The following CRPPA variants were observed in gnomAD, a reference collection of about 807,000 sequenced individuals.
The protein encoded by CRPPA is D-ribitol-5-phosphate cytidylyltransferase.
A neutral mutation model predicts 52.0 loss-of-function variants in CRPPA; 43 were observed. That is an observed-to-expected ratio of 0.83 (90% CI 0.65 to 1.07). CRPPA has a LOEUF of 1.07. Among genes scored for constraint, CRPPA ranks in the 50% least tolerant of loss-of-function variants. The pLI is 0.00. For missense variants in CRPPA, 629 were observed against 551.7 expected (o/e 1.14, Z -1.40); for synonymous variants, 250 against 203.5 (o/e 1.23, Z -1.94).
At chr7:16,256,246 CA>C (rs1469023377) in intron 8 of CRPPA, among the ~76,000 whole-genome samples, 8 of 152,128 alleles carry the variant, frequency 5.3e-5, no homozygotes, top group Non-Finnish European at 1.2e-4. Flanking sequence ...CATCTCACAC[CA>C]GTTAGAATGG....
rs1008045925 is a variant in CRPPA at position 16,089,564 on chromosome 7, T to C, written c.*2131A>G. 13 of 240,128 alleles carry C rather than the reference T, an allele frequency of 5.4e-5. No homozygotes were observed. Among genetic ancestry groups the C allele is most frequent in the South Asian group, 1.3e-4 (3 of 22,694 alleles). 14.9% of individuals were successfully genotyped at this position (240,128 alleles called of 1,614,324 possible). ...ATATATGTATATACATGTAAGTATA[T>C]ACATATATATGGGTATACATGCATG... On this transcript the variant is annotated 3_prime_UTR_variant, in exon 10 of 10. Coordinates refer to ENST00000407010, the MANE Select transcript of CRPPA (RefSeq NM_001101426.4).
intron 9 of CRPPA, among the ~76,000 whole-genome samples, chr7:16,152,004 C>T (rs1339384782): frequency 1.3e-5 from 2 of 151,916 alleles, no homozygotes; most frequent in Admixed American, 6.6e-5. Context: ...ATTCTTCAAA[C>T]ATTTGAGATT....
At chr7:16,104,953 T>C (rs1340445142) in intron 9 of CRPPA, among the ~76,000 whole-genome samples, 1 of 151,656 alleles carries the variant, frequency 6.6e-6, no homozygotes, top group Non-Finnish European at 1.5e-5. Context: ...GTACAACTTA[T>C]TTTATCATCA....
At chr7:16,300,711 C>T (rs1474707464) in intron 5 of CRPPA, among the ~76,000 whole-genome samples, 1 of 152,116 alleles carries the variant, frequency 6.6e-6, no homozygotes, top group Non-Finnish European at 1.5e-5. Flanking sequence ...ATTTTCCAGA[C>T]TAAAATGCCA....
At chr7:16,331,523 C>T (rs1233780821) in intron 3 of CRPPA, among the ~76,000 whole-genome samples, 1 of 152,088 alleles carries the variant, frequency 6.6e-6, no homozygotes, top group Non-Finnish European at 1.5e-5. Context: ...AAGATAAGAA[C>T]CACACAGCAA....
intron 8 of CRPPA, among the ~76,000 whole-genome samples, chr7:16,223,329 C>G (rs1782570106): frequency 6.6e-6 from 1 of 152,150 alleles, no homozygotes; most frequent in Non-Finnish European, 1.5e-5. Flanking sequence ...TCCCATCAAA[C>G]CAACTACTTA....
intron 9 of CRPPA, among the ~76,000 whole-genome samples, chr7:16,212,978 C>T (rs756484859): frequency 6.6e-6 from 1 of 152,186 alleles, no homozygotes; most frequent in Non-Finnish European, 1.5e-5. Flanking sequence ...CTGCTTACAG[C>T]ACTTTAGATA....
At chr7:16,400,103 AGT>A (rs1787766563) in intron 2 of CRPPA, among the ~76,000 whole-genome samples, 1 of 151,758 alleles carries the variant, frequency 6.6e-6, no homozygotes, top group African/African-American at 2.4e-5. Flanking sequence ...ACGTGACTGG[AGT>A]GTGATACATG....
intron 2 of CRPPA, among the ~76,000 whole-genome samples, chr7:16,397,826 A>C (rs1787649770): frequency 6.6e-6 from 1 of 152,162 alleles, no homozygotes; most frequent in Non-Finnish European, 1.5e-5. Flanking sequence ...GACTGACGTG[A>C]TCCACAAAGG....
chr7:16,182,623 T>C (rs1283689244), intron 9 of CRPPA, among the ~76,000 whole-genome samples: 1 of 152,196 alleles, frequency 6.6e-6, no homozygotes, highest in African/African-American at 2.4e-5. Flanking sequence ...AATCCTCTTA[T>C]TATAATAAGA....
At chr7:16,404,607 G>C (rs930845983) in intron 2 of CRPPA, among the ~76,000 whole-genome samples, 1 of 150,178 alleles carries the variant, frequency 6.7e-6, no homozygotes, top group Non-Finnish European at 1.5e-5. Flanking sequence ...TTTTCCAAAA[G>C]GTAACACAGG....
chr7:16,290,727 G>T (rs1784546647), intron 5 of CRPPA, among the ~76,000 whole-genome samples: 1 of 152,008 alleles, frequency 6.6e-6, no homozygotes, highest in Non-Finnish European at 1.5e-5. Flanking sequence ...CAGGACATTG[G>T]TGTCAAAAAG....
chr7:16,208,929 T>C (rs550780137), intron 9 of CRPPA: 7 of 344,914 alleles, frequency 2.0e-5, no homozygotes, highest in African/African-American at 6.4e-5. Flanking sequence ...TCCATGCCAA[T>C]AGCATTCCCA....
rs558202097 is a variant in CRPPA at position 16,178,154 on chromosome 7, T to C, written c.1251+37912A>G. The stretch of plus-strand genomic sequence containing the variant: ...AACTACGTGGTCTTTTCCTGATTGA[T>C]AGAGAGTTCTGGATGCTGAATTTAC... On this transcript the variant is annotated intron_variant, in intron 9 of 9. Transcript: ENST00000407010. 1.1e-4 allele frequency among the ~76,000 whole-genome samples: 17 copies of C among 152,168 alleles called. No homozygotes were observed. In the South Asian group the frequency reaches 1.5e-3, roughly 13 times the overall value.
At chr7:16,204,051 T>G (rs1237737576) in intron 9 of CRPPA, among the ~76,000 whole-genome samples, 1 of 152,182 alleles carries the variant, frequency 6.6e-6, no homozygotes, top group Non-Finnish European at 1.5e-5. Flanking sequence ...CTATGTTATT[T>G]AGCAAACTGT....
chr7:16,096,116 G>A (rs1036383946), intron 9 of CRPPA, among the ~76,000 whole-genome samples: 1 of 152,040 alleles, frequency 6.6e-6, no homozygotes, highest in Non-Finnish European at 1.5e-5. Context: ...CTTCAACAAC[G>A]TCCACAGGAT....
chr7:16,275,892 A>C (rs950012200), intron 6 of CRPPA, among the ~76,000 whole-genome samples: 2 of 151,998 alleles, frequency 1.3e-5, no homozygotes, highest in African/African-American at 4.8e-5. Flanking sequence ...CTAAACAGCA[A>C]AATAATGTAC....
At chr7:16,415,923 T>C (rs533023566) in intron 1 of CRPPA, among the ~76,000 whole-genome samples, 14 of 152,322 alleles carry the variant, frequency 9.2e-5, no homozygotes, top group Admixed American at 8.5e-4. Context: ...CAGAAGTTTC[T>C]ACCTTCTCTT....
In CRPPA at chr7:16,088,063, T is replaced by C. The variant is rs1213339553; in HGVS notation, c.*3632A>G. On this transcript the variant is annotated 3_prime_UTR_variant, in exon 10 of 10. Coordinates refer to ENST00000407010, the MANE Select transcript of CRPPA (RefSeq NM_001101426.4). The stretch of plus-strand genomic sequence containing the variant: ...TGAGAGAATATAGGGAGCTGACTCT[T>C]ACCTGTAAATGAGTATACTTGCAAC... 1 of 152,122 alleles carries C rather than the reference T, an allele frequency of 6.6e-6. No homozygotes were observed. Among genetic ancestry groups the C allele is most frequent in the African/African-American group, 2.4e-5 (1 of 41,426 alleles). The allele number at this position is 152,122 out of a possible 1,614,324, so 9.4% of individuals were successfully genotyped here. A position where few individuals can be genotyped will look rare whatever the true frequency, so the allele number is the denominator to read the frequency against.
Sources: allele counts gnomAD v4.1 joint callset (sites outside exome capture counted in the v4.1 genomes callset), GRCh38; gene constraint gnomAD v4.1.1; transcripts MANE v1.5; gene names NCBI Gene and HGNC (gene_info 2026-07-23, HGNC 2026-07-21).